L3MBTL3: variants seen among roughly 807,000 people sequenced by gnomAD.
L3MBTL3 encodes the protein L3MBTL histone methyl-lysine binding protein 3.
A neutral mutation model predicts 102.3 loss-of-function variants in L3MBTL3; 27 were observed. The observed-to-expected ratio is 0.26, with a 90% confidence interval of 0.19 to 0.36. The LOEUF is 0.36. Ranked by LOEUF, L3MBTL3 falls within the 10% of genes least tolerant of loss-of-function variation. The pLI, the probability that L3MBTL3 is intolerant of heterozygous loss-of-function variation, is 1.00. For synonymous variants in L3MBTL3, 340 were observed against 320.9 expected, an observed-to-expected ratio of 1.06 and a Z score of -0.64; for missense variants, 798 against 955.3, an observed-to-expected ratio of 0.84 and a Z score of 2.17.
intron 10 of L3MBTL3, among the ~76,000 whole-genome samples, chr6:130,061,287 G>A (rs1781889902): frequency 1.3e-5 from 2 of 152,088 alleles, no homozygotes; most frequent in Admixed American, 1.3e-4. Context: ...GTTTCGCCAT[G>A]TTGGCCAGGC....
At position 130,137,230 on chromosome 6, in the gene L3MBTL3, G is replaced by A. The variant is rs1004370690; in HGVS notation, c.2200-2380G>A. ...GAACAAATAGTGAATAGTGGAAAGG[G>A]CAGTGAAATGGAAGGCCAGAGCTCC... is the stretch of plus-strand genomic sequence containing the variant. On this transcript the variant is annotated intron_variant, in intron 22 of 22. Transcript: ENST00000361794. Among the ~76,000 whole-genome samples, 36 of 152,192 alleles carry A rather than the reference G, an allele frequency of 2.4e-4. 1 individual carries two copies. The highest frequency in any genetic ancestry group is 2.9e-5 in the Non-Finnish European group (2 of 68,040).
intron 12 of L3MBTL3, among the ~76,000 whole-genome samples, chr6:130,070,347 C>G (rs371080142): frequency 2.4e-4 from 36 of 152,234 alleles, no homozygotes; most frequent in Admixed American, 1.4e-3. Flanking sequence ...CTGTGGATTT[C>G]TTTAAGTTAC....
chr6:130,097,432 A>G (rs1032211285), intron 18 of L3MBTL3, among the ~76,000 whole-genome samples: 1 of 152,258 alleles, frequency 6.6e-6, no homozygotes, highest in Non-Finnish European at 1.5e-5. Context: ...CATAAGCAAG[A>G]GACTTTGTTT....
chr6:130,077,482 T>G (rs1221813964), intron 13 of L3MBTL3, among the ~76,000 whole-genome samples: 1 of 152,158 alleles, frequency 6.6e-6, no homozygotes. Context: ...GGAAGAAGCC[T>G]TTAAGTAATA....
intron 18 of L3MBTL3, among the ~76,000 whole-genome samples, chr6:130,101,838 T>G (rs1784709005): frequency 6.6e-6 from 1 of 152,176 alleles, no homozygotes; most frequent in African/African-American, 2.4e-5. Flanking sequence ...AACTCTGAAT[T>G]AGGATCCCGT....
intron 3 of L3MBTL3, 39 bp from the exon 4 acceptor site, chr6:130,049,243 C>T (rs1780927585): frequency 1.8e-6 from 2 of 1,128,196 alleles, no homozygotes; most frequent in African/African-American, 3.1e-5. Context: ...CTTTCCTGAG[C>T]ACTTTTTAAA....
intron 16 of L3MBTL3, 95 bp downstream of exon 16, chr6:130,086,345 T>C (rs1783688182): frequency 3.8e-6 from 3 of 779,736 alleles, no homozygotes; most frequent in Non-Finnish European, 6.4e-6. Flanking sequence ...AGTCCTGTAA[T>C]TAGTAAAATC....
At chr6:130,088,582 G>C (rs887054932) in intron 16 of L3MBTL3, among the ~76,000 whole-genome samples, 14 of 152,156 alleles carry the variant, frequency 9.2e-5, no homozygotes, top group African/African-American at 2.4e-4. Flanking sequence ...TATTTGATCA[G>C]ATGACATTGA....
chr6:130,095,997 T>A (rs1033215727), intron 18 of L3MBTL3, among the ~76,000 whole-genome samples: 1 of 152,220 alleles, frequency 6.6e-6, no homozygotes, highest in Non-Finnish European at 1.5e-5. Context: ...CGAGCAGCAT[T>A]TTTTCAACAA....
At chr6:130,051,173 G>C (rs1326299875) in intron 5 of L3MBTL3, 76 bp from the exon 6 acceptor site, 1 of 1,235,388 alleles carries the variant, frequency 8.1e-7, no homozygotes, top group Non-Finnish European at 1.1e-6. Context: ...AAAATTATTA[G>C]AAGAAAAAGT....
chr6:130,028,474 C>G (rs1779499924), intron 2 of L3MBTL3, among the ~76,000 whole-genome samples: 1 of 152,214 alleles, frequency 6.6e-6, no homozygotes, highest in African/African-American at 2.4e-5. Flanking sequence ...GACCCAACTT[C>G]TCAAGGATTT....
intron 19 of L3MBTL3, among the ~76,000 whole-genome samples, chr6:130,117,305 T>C (rs1031141259): frequency 6.6e-6 from 1 of 150,736 alleles, no homozygotes; most frequent in Non-Finnish European, 1.5e-5. Context: ...CACGAACTCA[T>C]CATTTTTTAT....
At position 130,133,905 on chromosome 6, in the gene L3MBTL3, A is replaced by G. The variant is rs768634593; in HGVS notation, c.2199A>G (p.Glu733=). ...CEEHGKVFKD[E]QIDGEAFLLM... ...AACATGGAAAGGTATTTAAAGATGAAGTAAGTATTCCACTAAATTGCAATA... is the reference window on the plus strand; with the variant it reads ...AACATGGAAAGGTATTTAAAGATGAGGTAAGTATTCCACTAAATTGCAATA... The change falls in exon 22 of 23, where the codon GAA becomes GAG. Residue 733 remains glutamate (E), a splice_region_variant and synonymous_variant. Coordinates refer to ENST00000361794, the MANE Select transcript of L3MBTL3 (RefSeq NM_032438.4). The surrounding 1 kb of genome is among the most constrained non-coding windows in gnomAD (Gnocchi z 4.9). 3 of 1,608,586 alleles carry G rather than the reference A, an allele frequency of 1.9e-6. No homozygotes were observed. The highest frequency in any genetic ancestry group is 1.1e-5 in the South Asian group (1 of 90,970).
chr6:130,113,918 C>T (rs1785500095), intron 19 of L3MBTL3, among the ~76,000 whole-genome samples: 1 of 152,170 alleles, frequency 6.6e-6, no homozygotes. Context: ...AATTTAGAGC[C>T]AACCATTCTA....
rs577486554 is a variant in L3MBTL3 at position 130,077,315 on chromosome 6, A to G, written c.1245-1243A>G. Among the ~76,000 whole-genome samples, 36 of 152,270 alleles carry G rather than the reference A, an allele frequency of 2.4e-4. 1 individual carries two copies. The highest frequency in any genetic ancestry group is 7.9e-4 in the African/African-American group (33 of 41,564). ...GTGCATCTTAATGAATTATGTATTAAAATACCTTTTATGAAAATATGTATT... is the reference window on the plus strand; with the variant it reads ...GTGCATCTTAATGAATTATGTATTAGAATACCTTTTATGAAAATATGTATT... On this transcript the variant is annotated intron_variant, in intron 13 of 22. Coordinates refer to ENST00000361794, the MANE Select transcript of L3MBTL3 (RefSeq NM_032438.4).
At chr6:130,097,924 G>A (rs147745036) in intron 18 of L3MBTL3, among the ~76,000 whole-genome samples, 2,913 of 152,082 alleles carry the variant, frequency 0.019, 97 homozygotes, top group African/African-American at 0.066. Context: ...AAAATTAGCC[G>A]GATGTGGTGG....
chr6:130,032,454 A>G (rs1779790279), intron 2 of L3MBTL3, among the ~76,000 whole-genome samples: 3 of 152,020 alleles, frequency 2.0e-5, no homozygotes, highest in South Asian at 4.2e-4. Context: ...GTCTCTATGA[A>G]TAAATAAGCA....
intron 16 of L3MBTL3, among the ~76,000 whole-genome samples, chr6:130,091,807 T>C (rs1246882823): frequency 1.3e-5 from 2 of 151,784 alleles, no homozygotes; most frequent in Non-Finnish European, 2.9e-5. Flanking sequence ...CTAAAAAAAA[T>C]TGAACTCATG....
At chr6:130,019,987 G>A (rs1002798811) in intron 1 of L3MBTL3, among the ~76,000 whole-genome samples, 1 of 128,212 alleles carries the variant, frequency 7.8e-6, no homozygotes, top group African/African-American at 2.9e-5. Context: ...GGCGGCGGCG[G>A]CGGTCGCGGC....
Sources: allele counts gnomAD v4.1 joint callset (sites outside exome capture counted in the v4.1 genomes callset), GRCh38; gene constraint gnomAD v4.1.1; non-coding constraint Gnocchi (gnomAD v3.1); transcripts MANE v1.5; gene names NCBI Gene and HGNC (gene_info 2026-07-23, HGNC 2026-07-21).